GPR158: variants seen among roughly 807,000 people sequenced by gnomAD.
GPR158 encodes G protein-coupled receptor 158, also known as metabotropic glycine receptor.
GPR158 carries 30 observed loss-of-function variants against 78.2 expected under a neutral mutation model. The observed-to-expected ratio is 0.38, with a 90% CI of 0.29 to 0.52. GPR158 has a LOEUF of 0.52. Ranked by LOEUF, GPR158 falls within the 20% of genes least tolerant of loss-of-function variation. The probability of loss-of-function intolerance (pLI) is 0.83; values close to 1 mark genes in which losing one functional copy is unlikely to be tolerated. For missense variants in GPR158, 1,463 were observed against 1,523.5 expected, an observed-to-expected ratio of 0.96 and a Z score of 0.66; for synonymous variants, 581 against 591.1, an observed-to-expected ratio of 0.98 and a Z score of 0.25.
chr10:25,302,429 A>G (rs1854612932), intron 2 of GPR158, among the ~76,000 whole-genome samples: 1 of 152,046 alleles, frequency 6.6e-6, no homozygotes, highest in South Asian at 2.1e-4. Context: ...GAAAAGCCCA[A>G]GATGTTTCCT....
intron 5 of GPR158, among the ~76,000 whole-genome samples, chr10:25,473,573 T>A (rs1048396603): frequency 2.6e-5 from 4 of 152,158 alleles, no homozygotes; most frequent in African/African-American, 4.8e-5. Context: ...CGGCTGTGAA[T>A]CCATCTGGTG....
At chr10:25,298,495 C>A (rs569830237) in intron 2 of GPR158, among the ~76,000 whole-genome samples, 21 of 152,138 alleles carry the variant, frequency 1.4e-4, no homozygotes, top group South Asian at 4.1e-4. Flanking sequence ...TATTTTAAAT[C>A]AAAAAATGGT....
chr10:25,564,354 T>A (rs1165122082), intron 6 of GPR158, among the ~76,000 whole-genome samples: 1 of 152,190 alleles, frequency 6.6e-6, no homozygotes, highest in Non-Finnish European at 1.5e-5. Flanking sequence ...TTGGTACTTT[T>A]CAATGCTCTT....
chr10:25,485,437 A>G (rs1056329381), intron 5 of GPR158, among the ~76,000 whole-genome samples: 2 of 152,190 alleles, frequency 1.3e-5, no homozygotes, highest in Admixed American at 1.3e-4. Context: ...AGAGCCATGT[A>G]AACGTGAGAT....
intron 4 of GPR158, among the ~76,000 whole-genome samples, chr10:25,445,265 A>T (rs1249624134): frequency 6.6e-6 from 1 of 152,208 alleles, no homozygotes; most frequent in Non-Finnish European, 1.5e-5. Context: ...CTGCTTTAAA[A>T]GATGCATAAG....
chr10:25,413,070 C>T (rs1215117120), intron 4 of GPR158, among the ~76,000 whole-genome samples: 1 of 152,114 alleles, frequency 6.6e-6, no homozygotes, highest in African/African-American at 2.4e-5. Flanking sequence ...CCTGTAATCT[C>T]AGCACATTGG....
chr10:25,522,293 T>C (rs1456581239), intron 5 of GPR158, among the ~76,000 whole-genome samples: 1 of 152,224 alleles, frequency 6.6e-6, no homozygotes. Context: ...CCCGTTACCC[T>C]CCCAGTGCTT....
intron 2 of GPR158, among the ~76,000 whole-genome samples, chr10:25,252,545 A>G (rs1225324379): frequency 1.3e-5 from 2 of 150,586 alleles, no homozygotes; most frequent in Non-Finnish European, 3.0e-5. Flanking sequence ...CAGGACCCTC[A>G]GCTGCAGGTC....
At chr10:25,588,619 T>TTTG (rs200426944) in intron 7 of GPR158, among the ~76,000 whole-genome samples, 10 of 152,324 alleles carry the variant, frequency 6.6e-5, no homozygotes, top group African/African-American at 2.2e-4. Context: ...GTTCTAAACT[T>TTTG]TTGTTGTTGT....
At chr10:25,189,147 AG>A (rs1423554407) in intron 1 of GPR158, among the ~76,000 whole-genome samples, 1 of 152,216 alleles carries the variant, frequency 6.6e-6, no homozygotes, top group Non-Finnish European at 1.5e-5. Flanking sequence ...GGTGCTGGAG[AG>A]GATGTGGAGA....
chr10:25,282,288 A>G (rs1210339176), intron 2 of GPR158, among the ~76,000 whole-genome samples: 1 of 152,142 alleles, frequency 6.6e-6, no homozygotes, highest in Non-Finnish European at 1.5e-5. Flanking sequence ...ATTCATTCAT[A>G]TTGTTGTATG....
intron 5 of GPR158, among the ~76,000 whole-genome samples, chr10:25,539,236 T>C (rs944325694): frequency 6.6e-5 from 10 of 152,176 alleles, no homozygotes; most frequent in African/African-American, 2.4e-4. Context: ...GCTGCCTAGT[T>C]GGGGCATGAC....
intron 5 of GPR158, among the ~76,000 whole-genome samples, chr10:25,506,087 G>A (rs549502363): frequency 2.6e-5 from 4 of 152,132 alleles, no homozygotes; most frequent in African/African-American, 7.2e-5. Context: ...TGAACAACTC[G>A]ACACTAGGTT....
At chr10:25,190,065 C>G (rs769360885) in intron 1 of GPR158, among the ~76,000 whole-genome samples, 6 of 152,046 alleles carry the variant, frequency 3.9e-5, no homozygotes, top group Non-Finnish European at 7.4e-5. Flanking sequence ...TCTGATGAAA[C>G]TGAACTATTT....
chr10:25,565,357 G>T (rs1481628263), intron 6 of GPR158, among the ~76,000 whole-genome samples: 2 of 152,154 alleles, frequency 1.3e-5, no homozygotes, highest in Non-Finnish European at 2.9e-5. Flanking sequence ...ATGTAAATTG[G>T]ATGAGGTTCC....
At chr10:25,334,487 A>T (rs1855170833) in intron 2 of GPR158, among the ~76,000 whole-genome samples, 1 of 152,044 alleles carries the variant, frequency 6.6e-6, no homozygotes, top group South Asian at 2.1e-4. Context: ...TGACATCAGG[A>T]GTCCAAGTAA....
At chr10:25,584,002 C>A (rs2130742849) in intron 7 of GPR158, among the ~76,000 whole-genome samples, 1 of 152,142 alleles carries the variant, frequency 6.6e-6, no homozygotes, top group South Asian at 2.1e-4. Context: ...CTTGGCCCAG[C>A]CGTTTGAAAA....
At chr10:25,368,780 T>TG (rs59698450) in intron 2 of GPR158, among the ~76,000 whole-genome samples, 2 of 140,780 alleles carry the variant, frequency 1.4e-5, no homozygotes, top group Admixed American at 1.4e-4. Flanking sequence ...GCCATTTTCA[T>TG]ATTGATTCTT....
chr10:25,289,217 A>C (rs766706648), intron 2 of GPR158, among the ~76,000 whole-genome samples: 7 of 152,312 alleles, frequency 4.6e-5, no homozygotes, highest in Middle Eastern at 6.8e-3. Context: ...ACAAAGTTGA[A>C]TAGGAGATAG....
Sources: allele counts gnomAD v4.1 joint callset (sites outside exome capture counted in the v4.1 genomes callset), GRCh38; gene constraint gnomAD v4.1.1; transcripts MANE v1.5; gene names NCBI Gene and HGNC (gene_info 2026-07-23, HGNC 2026-07-21).